The following OSMR variants were observed in gnomAD, a reference collection of about 807,000 sequenced individuals.
OSMR encodes oncostatin M receptor, also known as oncostatin-M-specific receptor subunit beta.
OSMR carries 81 observed loss-of-function variants against 99.9 expected under a neutral mutation model. The ratio of observed to expected loss-of-function variants is 0.81; its 90% confidence interval spans 0.68 to 0.97. OSMR has a LOEUF of 0.97. Among genes scored for constraint, OSMR ranks in the 50% least tolerant of loss-of-function variants. The pLI, the probability that OSMR is intolerant of heterozygous loss-of-function variation, is 0.00. For synonymous variants in OSMR, 406 were observed against 410.4 expected (o/e 0.99, Z 0.13); for missense variants, 1,099 against 1,153.4 (o/e 0.95, Z 0.68).
chr5:38,942,451 AAT>A, intron 1 of OSMR: 4 of 788,516 alleles, frequency 5.1e-6, no homozygotes, highest in South Asian at 2.7e-5. Flanking sequence ...ATAAATATCT[AAT>A]TTTTTTTTTT....
chr5:38,877,962 G>C (rs1742971419), intron 3 of OSMR, among the ~76,000 whole-genome samples: 1 of 152,172 alleles, frequency 6.6e-6, no homozygotes, highest in Non-Finnish European at 1.5e-5. Flanking sequence ...TAGGGCTCAA[G>C]ACCCTTCAGG....
chr5:38,867,364 A>T (rs1027900610), intron 1 of OSMR, among the ~76,000 whole-genome samples: 5 of 152,098 alleles, frequency 3.3e-5, no homozygotes, highest in Non-Finnish European at 7.4e-5. Context: ...GTAAAATATT[A>T]TTTTTTAAAA....
chr5:38,906,663 AT>A (rs1745255058), intron 9 of OSMR, among the ~76,000 whole-genome samples: 1 of 152,220 alleles, frequency 6.6e-6, no homozygotes, highest in Non-Finnish European at 1.5e-5. Flanking sequence ...GCTTTAATAG[AT>A]TTAAAAATAT....
At chr5:38,884,907 C>T (rs141609823) in intron 5 of OSMR, among the ~76,000 whole-genome samples, 1 of 152,270 alleles carries the variant, frequency 6.6e-6, no homozygotes, top group African/African-American at 2.4e-5. Context: ...CTAAGGGCAG[C>T]AGTAACGCTG....
At chr5:38,865,575 A>T (rs996635105) in intron 1 of OSMR, among the ~76,000 whole-genome samples, 9 of 152,128 alleles carry the variant, frequency 5.9e-5, no homozygotes, top group African/African-American at 1.9e-4. Flanking sequence ...AGCTGTGGTG[A>T]GATTTTGTGA....
At chr5:38,932,017 A>G (rs1746775552) in intron 16 of OSMR, 53 bp downstream of exon 16, 2 of 1,307,884 alleles carry the variant, frequency 1.5e-6, no homozygotes, top group Admixed American at 1.7e-5. Context: ...AAAAGTCTGG[A>G]AAGAGATTTA....
chr5:38,872,421 GT>G (rs1355417954), intron 2 of OSMR, among the ~76,000 whole-genome samples: 1 of 152,186 alleles, frequency 6.6e-6, no homozygotes, highest in African/African-American at 2.4e-5. Context: ...TCTGAGCTGA[GT>G]AAGGCTGAGT....
Position 38,935,229 on chromosome 5 carries a change from T to G in OSMR, c.*1785T>G, listed in dbSNP as rs1383930747. 1 of 152,232 alleles carries G rather than the reference T, an allele frequency of 6.6e-6. No individual in the cohort carries two copies. Among genetic ancestry groups the G allele is most frequent in the African/African-American group, 2.4e-5 (1 of 41,450 alleles). 9.4% of individuals were successfully genotyped at this position (152,232 alleles called of 1,614,324 possible). On this transcript the variant is annotated 3_prime_UTR_variant, in exon 18 of 18. Transcript: ENST00000274276. The stretch of plus-strand genomic sequence containing the variant: ...AAATGGCTCTGCCTATGCTCATGCT[T>G]CTGGTGCCCAATGCCTTGCACTGTG...
intron 7 of OSMR, among the ~76,000 whole-genome samples, chr5:38,888,279 T>C (rs1490607083): frequency 6.6e-6 from 1 of 152,154 alleles, no homozygotes; most frequent in Non-Finnish European, 1.5e-5. Flanking sequence ...CTTGATGTTC[T>C]GCACACGTGG....
At chr5:38,907,232 T>C (rs900485878) in intron 9 of OSMR, among the ~76,000 whole-genome samples, 1 of 152,174 alleles carries the variant, frequency 6.6e-6, no homozygotes, top group Non-Finnish European at 1.5e-5. Flanking sequence ...CCCACACTCG[T>C]TCTTGGCCCC....
intron 15 of OSMR, among the ~76,000 whole-genome samples, chr5:38,926,533 G>T (rs1026368762): frequency 1.3e-5 from 2 of 152,128 alleles, no homozygotes; most frequent in African/African-American, 4.8e-5. Flanking sequence ...TGAGCAAAGG[G>T]GAAAAGCCAC....
Position 38,919,051 on chromosome 5 carries a change from A to T in OSMR, c.1574A>T (p.Asp525Val). ...GCTTCTGTAATAGTCATCTCTGCAG[A>T]CCCCGAAAACAGTGAGTTTGTTTTC... ...SPASVIVISA[D>V]PENKEVEEER... is the part of the protein sequence containing the mutation. Residue 525 changes from aspartate (D) to valine (V), a missense_variant, in exon 11 of 18, where the codon GAC (aspartate) becomes GTC (valine). Asp to Val is a radical substitution (Grantham distance 152). Coordinates refer to ENST00000274276, the MANE Select transcript of OSMR (RefSeq NM_003999.3). The T allele has an allele frequency of 1.2e-6, 2 of 1,614,002 alleles. No individual in the cohort carries two copies. The highest frequency in any genetic ancestry group is 1.7e-6 in the Non-Finnish European group (2 of 1,179,930).
At chr5:38,866,093 G>A (rs1352030837) in intron 1 of OSMR, among the ~76,000 whole-genome samples, 1 of 152,170 alleles carries the variant, frequency 6.6e-6, no homozygotes, top group Non-Finnish European at 1.5e-5. Flanking sequence ...CTGTCCTCAG[G>A]ACTCCAGAAA....
chr5:38,874,802 C>T (rs529490075), intron 2 of OSMR, among the ~76,000 whole-genome samples: 1 of 152,306 alleles, frequency 6.6e-6, no homozygotes, highest in South Asian at 2.1e-4. Flanking sequence ...ATGTTATTTA[C>T]CCTGATTGAG....
chr5:38,896,328 A>T (rs186458583), intron 7 of OSMR, among the ~76,000 whole-genome samples: 1 of 151,948 alleles, frequency 6.6e-6, no homozygotes, highest in Admixed American at 6.6e-5. Flanking sequence ...TCTTTTATCA[A>T]TGTTTTGTAG....
chr5:38,943,637 A>T (rs1460360610), intron 1 of OSMR, among the ~76,000 whole-genome samples: 1 of 151,982 alleles, frequency 6.6e-6, no homozygotes. Flanking sequence ...ACCTGGCGAA[A>T]CTCTGTTTCT....
intron 1 of OSMR, among the ~76,000 whole-genome samples, chr5:38,851,988 G>A (rs1056703201): frequency 2.0e-5 from 3 of 152,212 alleles, no homozygotes; most frequent in Non-Finnish European, 4.4e-5. Context: ...CCCCAACCAC[G>A]TGGAACTGTG....
In OSMR at chr5:38,942,241, T is replaced by C. The variant is rs1231701403; in HGVS notation, c.75-1960T>C. 5 of 1,029,752 alleles carry C rather than the reference T, an allele frequency of 4.9e-6. No homozygotes were observed. The Admixed American group carries it at 9.0e-5, about 19-fold the overall frequency. The allele number at this position is 1,029,752 out of a possible 1,614,324, so 63.8% of individuals were successfully genotyped here. On this transcript the variant is annotated intron_variant and NMD_transcript_variant, in intron 1 of 2. Transcript: ENST00000508882. ...CCTAGTCAGTCGTATTTTCTGAGGC[T>C]TTTAGGAAATCCACAAATATGAATA...
In OSMR at chr5:38,885,445, G is replaced by T. The variant is rs1480165807; in HGVS notation, c.800G>T (p.Trp267Leu). The stretch of plus-strand genomic sequence containing the variant: ...CCTGGGACGGACACTGCCTTGGGGT[G>T]GTCTAAACAACCTTCCCAAAGCTAC... ...WDPGTDTALG[W>L]SKQPSQSYTL... Residue 267 changes from tryptophan to leucine, a missense_variant, in exon 6 of 18, where the codon TGG becomes TTG. Trp to Leu is a moderately conservative substitution (Grantham distance 61, BLOSUM62 -2). Transcript: ENST00000274276. The T allele has an allele frequency of 3.1e-6, 5 of 1,613,994 alleles. No homozygotes were observed. Among genetic ancestry groups the T allele is most frequent in the Non-Finnish European group, 3.4e-6 (4 of 1,179,896 alleles).
Sources: gnomAD v4.1 joint callset for allele counts (sites outside exome capture counted in the v4.1 genomes callset) on GRCh38, gnomAD v4.1.1 for gene constraint, MANE v1.5 for transcripts, NCBI Gene and HGNC (gene_info 2026-07-23, HGNC 2026-07-21) for gene names.